Variants in MMS22L observed in about 807,000 individuals in gnomAD.
MMS22L encodes MMS22 like, DNA repair protein.
In MMS22L, 74 loss-of-function variants were observed where a neutral mutation model predicts 159.1. That is an observed-to-expected ratio of 0.47 (90% CI 0.39 to 0.56). The LOEUF is 0.56. Ranked by LOEUF, MMS22L falls within the 20% of genes least tolerant of loss-of-function variation. The probability of loss-of-function intolerance (pLI) is 0.00; values close to 1 mark genes in which losing one functional copy is unlikely to be tolerated. For synonymous variants in MMS22L, 517 were observed against 506.9 expected (o/e 1.02, Z -0.27); for missense variants, 1,351 against 1,422.1 (o/e 0.95, Z 0.80).
rs550863158 is a variant in MMS22L at position 97,209,982 on chromosome 6, A to C, written c.2039+18912T>G. Among the ~76,000 whole-genome samples, 675 of 152,036 alleles carry C rather than the reference A, an allele frequency of 4.4e-3. 2 individuals carry two copies. The highest frequency in any genetic ancestry group is 7.4e-3 in the Non-Finnish European group (504 of 67,846). ...TATATCAACTTTAAAGAGAAAAGCA[A>C]ATTTGCTTAAAAATGTTAAAATATT... On this transcript the variant is annotated intron_variant, in intron 14 of 24. Coordinates refer to ENST00000683635, the MANE Select transcript of MMS22L (RefSeq NM_001350599.2).
At chr6:97,207,184 A>G (rs1364856801) in intron 14 of MMS22L, among the ~76,000 whole-genome samples, 1 of 152,146 alleles carries the variant, frequency 6.6e-6, no homozygotes, top group East Asian at 1.9e-4. Context: ...TCATTTTTCC[A>G]TAATTGAGTT....
chr6:97,199,922 A>G (rs1334712408), intron 14 of MMS22L, among the ~76,000 whole-genome samples: 1 of 152,092 alleles, frequency 6.6e-6, no homozygotes, highest in Non-Finnish European at 1.5e-5. Context: ...GTATACATAA[A>G]TGTGTATAAG....
rs139213829 is a variant in MMS22L at position 97,165,290 on chromosome 6, A to G, written c.3177T>C (p.Ile1059=). 249 of 1,613,354 alleles carry G rather than the reference A, an allele frequency of 1.5e-4. 2 individuals are homozygous for G. In the Middle Eastern group the frequency reaches 3.0e-3, roughly 19 times the overall value. ...ATTTCTTTAGAGATGATATTGGTGG[A>G]ATAGTGGCTGTGTTTCTCAATGCCA... ...VLLALRNTAT[I]PPISSLKKCI... The change falls in exon 21 of 25, where the codon ATT becomes ATC. Residue 1059 remains isoleucine, a synonymous_variant. Transcript: ENST00000683635.
At chr6:97,270,205 A>G in intron 6 of MMS22L, 1 of 622,722 alleles carries the variant, frequency 1.6e-6, no homozygotes, top group East Asian at 3.1e-5. Flanking sequence ...CTGTTGGTTT[A>G]AGACAAACCC....
upstream of MMS22L, chr6:97,283,219 G>A (rs1193563434): frequency 6.6e-6 from 1 of 152,300 alleles, no homozygotes; most frequent in Non-Finnish European, 1.5e-5. Flanking sequence ...CCGGAAAGGC[G>A]GGGCCACGGC....
chr6:97,214,830 A>T lies in MMS22L; in HGVS notation c.2039+14064T>A, dbSNP rs536893754. Among the ~76,000 whole-genome samples the T allele has an allele frequency of 6.6e-5, 10 of 151,062 alleles. No individual in the cohort carries two copies. The South Asian group carries it at 1.9e-3, about 28-fold the overall frequency. On this transcript the variant is annotated intron_variant, in intron 14 of 24. Transcript: ENST00000683635. Reference sequence around the variant, plus strand: ...TATATTTTTATCAGCTGCCTTTCAAACTGTGCTAACACTGTGGTTTCTGGA... The same window carrying T: ...TATATTTTTATCAGCTGCCTTTCAATCTGTGCTAACACTGTGGTTTCTGGA...
intron 16 of MMS22L, among the ~76,000 whole-genome samples, chr6:97,180,596 T>C (rs1562425961): frequency 6.6e-6 from 1 of 152,218 alleles, no homozygotes; most frequent in Non-Finnish European, 1.5e-5. Flanking sequence ...AGACTGGTTA[T>C]TTATTACCTT....
Position 97,282,514 on chromosome 6 carries a change from G to T in MMS22L, c.-37C>A. ...TGTTCTGAAACACTTGGGGTTCGTC[G>T]TATCATTAAGGGCTCCAAAGAGAAG... On this transcript the variant is annotated 5_prime_UTR_variant, in exon 2 of 25. Transcript: ENST00000683635. 7.6e-7 allele frequency: 1 copy of T among 1,324,058 alleles called. No homozygotes were observed. The allele number at this position is 1,324,058 out of a possible 1,614,324, so 82.0% of individuals were successfully genotyped here.
rs1813786656 is a variant in MMS22L at position 97,256,167 on chromosome 6, A to C, written c.943-1434T>G. The stretch of plus-strand genomic sequence containing the variant: ...TTGAATATTAATTTTTTCCCCCTCT[A>C]CCTGCTTGGAAGTTAAAAAGTCTAC... On this transcript the variant is annotated intron_variant, in intron 9 of 24. Coordinates refer to ENST00000683635, the MANE Select transcript of MMS22L (RefSeq NM_001350599.2). Among the ~76,000 whole-genome samples, 4 of 151,878 alleles carry C rather than the reference A, an allele frequency of 2.6e-5. No homozygotes were observed. In the South Asian group the frequency reaches 8.3e-4, roughly 32 times the overall value.
In MMS22L at chr6:97,203,308, T is replaced by C. The variant is rs950555226; in HGVS notation, c.2040-16618A>G. 2.7e-5 allele frequency among the ~76,000 whole-genome samples: 4 copies of C among 149,052 alleles called. No individual in the cohort carries two copies. The East Asian group carries it at 7.7e-4, about 29-fold the overall frequency. On this transcript the variant is annotated intron_variant, in intron 14 of 24. Coordinates refer to ENST00000683635, the MANE Select transcript of MMS22L (RefSeq NM_001350599.2). Reference sequence around the variant, plus strand: ...CAACAGGACTGGTTATTTATTTATTTATTTTTTTTACTGTCTTTAACTCAG... The same window carrying C: ...CAACAGGACTGGTTATTTATTTATTCATTTTTTTTACTGTCTTTAACTCAG...
intron 23 of MMS22L, among the ~76,000 whole-genome samples, chr6:97,150,497 A>C (rs1031894005): frequency 1.3e-5 from 2 of 152,152 alleles, no homozygotes; most frequent in African/African-American, 4.8e-5. Context: ...AAGACTTTAG[A>C]CCCATAGAAG....
At chr6:97,218,319 G>A (rs1809254240) in intron 14 of MMS22L, among the ~76,000 whole-genome samples, 1 of 152,136 alleles carries the variant, frequency 6.6e-6, no homozygotes, top group African/African-American at 2.4e-5. Flanking sequence ...ACTGTTGTCT[G>A]CTTGCATATG....
At chr6:97,258,295 G>C (rs1814049175) in intron 9 of MMS22L, among the ~76,000 whole-genome samples, 1 of 152,028 alleles carries the variant, frequency 6.6e-6, no homozygotes, top group African/African-American at 2.4e-5. Context: ...ATCATTTTTT[G>C]AGCACTTCCT....
In MMS22L at chr6:97,231,455, G is replaced by T; in HGVS notation, c.1500C>A (p.Gly500=). ...CTTTGACTTGTTTCCAAGGATGAGG[G>T]CCATTGCTCTTCATTGCTTTTTTAA... ...KVVKKAMKSN[G]PHPWKQVKGR... Residue 500 remains glycine (G), a synonymous_variant, in exon 13 of 25, where the codon GGC becomes GGA. Transcript: ENST00000683635. 1 of 1,613,492 alleles carries T rather than the reference G, an allele frequency of 6.2e-7. No homozygotes were observed. The highest frequency in any genetic ancestry group is 8.5e-7 in the Non-Finnish European group (1 of 1,179,674).
chr6:97,226,868 T>C (rs183504483), intron 14 of MMS22L, among the ~76,000 whole-genome samples: 5 of 152,142 alleles, frequency 3.3e-5, no homozygotes, highest in South Asian at 2.1e-4. Flanking sequence ...GTAGAGTGTT[T>C]AGCAGCATTT....
intron 11 of MMS22L, among the ~76,000 whole-genome samples, chr6:97,245,321 T>C (rs895969239): frequency 2.6e-5 from 4 of 151,916 alleles, no homozygotes; most frequent in Non-Finnish European, 5.9e-5. Context: ...TAACTGAAAA[T>C]TAAACCCCTA....
intron 10 of MMS22L, among the ~76,000 whole-genome samples, chr6:97,249,313 C>G (rs568922440): frequency 2.8e-4 from 43 of 152,320 alleles, no homozygotes; most frequent in African/African-American, 1.0e-3. Context: ...GGCCTATGCC[C>G]TTCTTCCCTT....
At chr6:97,207,844 A>C (rs1029505380) in intron 14 of MMS22L, among the ~76,000 whole-genome samples, 6 of 152,124 alleles carry the variant, frequency 3.9e-5, no homozygotes, top group African/African-American at 1.4e-4. Context: ...AATCATTGAA[A>C]ATTTCCAACC....
At chr6:97,283,398 A>AAC (rs1045390762), upstream of MMS22L, 5 of 151,984 alleles carry the variant, frequency 3.3e-5, no homozygotes, top group African/African-American at 1.2e-4. Flanking sequence ...GTAAAAAAAA[A>AAC]AAAACAGAAC....
Sources: gnomAD v4.1 joint callset for allele counts (sites outside exome capture counted in the v4.1 genomes callset) on GRCh38, gnomAD v4.1.1 for gene constraint, MANE v1.5 for transcripts, NCBI Gene and HGNC (gene_info 2026-07-23, HGNC 2026-07-21) for gene names.